MORC2: variants seen among roughly 807,000 people sequenced by gnomAD.
MORC2 encodes ATPase MORC2.
In MORC2, 30 loss-of-function variants were observed where a neutral mutation model predicts 136.0. That is an observed-to-expected ratio of 0.22 (90% confidence interval 0.17 to 0.30). The LOEUF is 0.30. Ranked by LOEUF, MORC2 falls within the 10% of genes least tolerant of loss-of-function variation. The pLI, the probability that MORC2 is intolerant of heterozygous loss-of-function variation, is 1.00. For synonymous variants in MORC2, 439 were observed against 487.0 expected (o/e 0.90, Z 1.30); for missense variants, 922 against 1,333.1 (o/e 0.69, Z 4.80).
Position 30,934,872 on chromosome 22 carries a change from G to A in MORC2, c.2102C>T (p.Pro701Leu). Residue 701 changes from proline to leucine, a missense_variant, in exon 19 of 26, where the codon CCC (proline) becomes CTC (leucine). This residue lies in a region of MORC2 where 184 missense variants were observed against 180.3 expected (regional missense o/e 1.02). Coordinates refer to ENST00000397641, the MANE Select transcript of MORC2 (RefSeq NM_001303256.3). This position sits in a 1 kb window ranked among gnomAD's most constrained non-coding sequence, Gnocchi z 4.4. The stretch of plus-strand genomic sequence containing the variant: ...AACCTCCCGAGGGCTCTTGGAGTTG[G>A]GCAGTAAAGATGGTGACAGTTGCTG... Reference protein sequence around the residue: ...LVQQLSPSLLPNSKSPREVPS... With the variant: ...LVQQLSPSLLLNSKSPREVPS... The A allele has an allele frequency of 6.2e-7, 1 of 1,614,172 alleles. No homozygotes were observed. Among genetic ancestry groups the A allele is most frequent in the Non-Finnish European group, 8.5e-7 (1 of 1,180,034 alleles).
At chr22:30,967,510 A>G (rs1454653518) in intron 1 of MORC2, 3 of 1,149,260 alleles carry the variant, frequency 2.6e-6, no homozygotes, top group Non-Finnish European at 2.2e-6. Context: ...TTGGCGATCC[A>G]ATAGAGCAGT....
rs1448561992 is a variant in MORC2 at position 30,932,280 on chromosome 22, A to C, written c.2841+79T>G. On this transcript the variant is annotated intron_variant, in intron 24 of 25. Coordinates refer to ENST00000397641, the MANE Select transcript of MORC2 (RefSeq NM_001303256.3). The surrounding 1 kb of genome is among the most constrained non-coding windows in gnomAD (Gnocchi z 4.4). ...CAACTGCAACAAGCGTAACAATCAT[A>C]ATCACAACAGTTACAACAAATGCAG... The C allele has an allele frequency of 3.3e-6, 4 of 1,224,252 alleles. No homozygotes were observed. Among genetic ancestry groups the C allele is most frequent in the Middle Eastern group, 1.9e-4 (1 of 5,132 alleles). The allele number at this position is 1,224,252 out of a possible 1,614,324, so 75.8% of individuals were successfully genotyped here. A position where few individuals can be genotyped will look rare whatever the true frequency, so the allele number is the denominator to read the frequency against.
intron 1 of MORC2, among the ~76,000 whole-genome samples, chr22:30,965,346 C>G (rs2041112397): frequency 1.3e-5 from 2 of 152,174 alleles, no homozygotes; most frequent in Admixed American, 6.5e-5. Flanking sequence ...ACTTTACACA[C>G]AGGTGGTTCA....
At chr22:30,929,955 C>A (rs940850400) in intron 24 of MORC2, 2 of 152,018 alleles carry the variant, frequency 1.3e-5, no homozygotes, top group Non-Finnish European at 2.9e-5. Flanking sequence ...CGGGTTCAAG[C>A]GATTTTCATG....
intron 3 of MORC2, among the ~76,000 whole-genome samples, chr22:30,952,670 A>G (rs1213439536): frequency 6.6e-6 from 1 of 152,234 alleles, no homozygotes; most frequent in Non-Finnish European, 1.5e-5. Flanking sequence ...TCAACTTTGT[A>G]AACAGACAGT....
Position 30,939,956 on chromosome 22 carries a change from T to C in MORC2, c.987+3A>G, listed in dbSNP as rs1365404211. On this transcript the variant is annotated splice_donor_region_variant and intron_variant, in intron 11 of 25. Transcript: ENST00000397641. ...AGAACAGCCGCCTGGGCCGGGACCT[T>C]ACCCTGGAGTCCCGCGTGAGGTCTC... 1.1e-5 allele frequency: 18 copies of C among 1,613,624 alleles called. No individual in the cohort carries two copies. The highest frequency in any genetic ancestry group is 4.4e-5 in the South Asian group (4 of 91,004).
intron 2 of MORC2, 53 bp from the exon 3 acceptor site, chr22:30,956,850 C>G: frequency 7.2e-7 from 1 of 1,379,504 alleles, no homozygotes; most frequent in Non-Finnish European, 1.0e-6. Flanking sequence ...TATCAACCAT[C>G]AAAATGCATA....
In MORC2 at chr22:30,940,030, C is replaced by T. The variant is rs1320772373; in HGVS notation, c.916G>A (p.Ala306Thr). The part of the protein sequence containing the change: ...EHVARIAEEK[A>T]REAESKARTL... ...CGAGCTTTGCTCTCTGCCTCCCGCG[C>T]CTTCTCTTCAGCTGAAACCCAGAAG... Residue 306 changes from alanine to threonine, a missense_variant, in exon 11 of 26, where the codon GCG (alanine) becomes ACG (threonine). This residue lies in a region of MORC2 where 261 missense variants were observed against 354.3 expected (regional missense o/e 0.74). Transcript: ENST00000397641. The T allele has an allele frequency of 6.2e-7, 1 of 1,613,702 alleles. No individual in the cohort carries two copies. Among genetic ancestry groups the T allele is most frequent in the Non-Finnish European group, 8.5e-7 (1 of 1,180,032 alleles).
rs1412618866 is a variant in MORC2 at position 30,932,494 on chromosome 22, G to C, written c.2748-42C>G. On this transcript the variant is annotated intron_variant, in intron 23 of 25. Transcript: ENST00000397641. This position sits in a 1 kb window ranked among gnomAD's most constrained non-coding sequence, Gnocchi z 4.4. ...CAGTAATTCAGAATGGCATGGAGCA[G>C]GCAGAGAGCTGCTGCTGGCCCTGGG... 6.2e-6 allele frequency: 10 copies of C among 1,612,606 alleles called. No individual in the cohort carries two copies. In the African/African-American group the frequency reaches 1.3e-4, roughly 22 times the overall value.
intron 4 of MORC2, 104 bp downstream of exon 4, chr22:30,950,273 A>C (rs1408934974): frequency 5.0e-6 from 6 of 1,190,710 alleles, no homozygotes; most frequent in African/African-American, 1.5e-5. Flanking sequence ...TCTTCTAGAC[A>C]TAACATTGGA....
intron 1 of MORC2, among the ~76,000 whole-genome samples, chr22:30,960,509 C>T (rs996711972): frequency 3.3e-5 from 5 of 151,630 alleles, no homozygotes; most frequent in Admixed American, 6.6e-5. Context: ...TATTTTGAGA[C>T]GGAGTTTTTC....
At chr22:30,933,148 G>C in intron 21 of MORC2, 118 bp from the exon 22 acceptor site, 4 of 1,409,918 alleles carry the variant, frequency 2.8e-6, no homozygotes, top group Non-Finnish European at 3.9e-6. Flanking sequence ...TTAGGTGCTT[G>C]CCCCCACTAC....
At chr22:30,952,229 G>A (rs1409154245) in intron 3 of MORC2, among the ~76,000 whole-genome samples, 1 of 152,158 alleles carries the variant, frequency 6.6e-6, no homozygotes, top group Non-Finnish European at 1.5e-5. Flanking sequence ...TACAGAGAAT[G>A]GTAAAAGCAG....
chr22:30,950,338 CA>C, intron 4 of MORC2, 38 bp downstream of exon 4: 12 of 695,120 alleles, frequency 1.7e-5, no homozygotes, highest in Non-Finnish European at 3.1e-5. Flanking sequence ...GGTTACATCG[CA>C]CCCCCCCACC....
At position 30,934,165 on chromosome 22, in the gene MORC2, G is replaced by A. The variant is rs1762818623; in HGVS notation, c.2220C>T (p.Val740=). Residue 740 remains valine, a synonymous_variant, in exon 20 of 26, where the codon GTC becomes GTT. Transcript: ENST00000397641. The surrounding 1 kb of genome is among the most constrained non-coding windows in gnomAD (Gnocchi z 4.4). ...CAACTTCTTCCTCATCAGAAACTGC[G>A]ACACTCCGCTTCCGACTAGGGGTAG... ...SPATPSRKRS[V]AVSDEEEVEE... 3.1e-6 allele frequency: 5 copies of A among 1,613,960 alleles called. No homozygotes were observed. The highest frequency in any genetic ancestry group is 2.2e-5 in the East Asian group (1 of 44,896).
chr22:30,936,371 G>T, intron 17 of MORC2, 140 bp downstream of exon 17: 2 of 1,112,272 alleles, frequency 1.8e-6, no homozygotes, highest in Non-Finnish European at 2.6e-6. Flanking sequence ...TGGAGGTTGG[G>T]GTTGGAAAGC....
chr22:30,946,391 T>C lies in MORC2; in HGVS notation c.376A>G (p.Thr126Ala), dbSNP rs1223721150. ...AACGTGCGAGACAGGAAGAGGCAGG[T>C]CATGGTGTCTTCCTTCTTGGTGAAC... ...ILFTKKEDTMTCLFLSRTFHE... is the reference protein window; with the variant it reads ...ILFTKKEDTMACLFLSRTFHE... The change falls in exon 6 of 26, where the codon ACC (threonine) becomes GCC (alanine). Residue 126 changes from threonine (T) to alanine (A), a missense_variant. Physicochemically the swap from Thr to Ala is moderately conservative, Grantham distance 58. Coordinates refer to ENST00000397641, the MANE Select transcript of MORC2 (RefSeq NM_001303256.3). 6.2e-7 allele frequency: 1 copy of C among 1,612,060 alleles called. No individual in the cohort carries two copies. The highest frequency in any genetic ancestry group is 1.1e-5 in the South Asian group (1 of 90,436).
intron 1 of MORC2, among the ~76,000 whole-genome samples, chr22:30,964,876 C>T (rs1456686603): frequency 6.6e-6 from 1 of 152,012 alleles, no homozygotes; most frequent in Admixed American, 6.6e-5. Flanking sequence ...AAGTTGCCAC[C>T]ACAGTGACCA....
rs1325489365 is a variant in MORC2 at position 30,937,959 on chromosome 22, C to T, written c.1225G>A (p.Gly409Arg). 1 of 1,614,076 alleles carries T rather than the reference C, an allele frequency of 6.2e-7. No individual in the cohort carries two copies. The highest frequency in any genetic ancestry group is 8.5e-7 in the Non-Finnish European group (1 of 1,180,014). ...GGCACATCAACAACCCCAACAACCCCGCCACATGCCCTACAGGGAGAAAGA... is the reference window on the plus strand; with the variant it reads ...GGCACATCAACAACCCCAACAACCCTGCCACATGCCCTACAGGGAGAAAGA... ...PQLEGGMACG[G>R]VVGVVDVPYL... Residue 409 changes from glycine (G) to arginine (R), a missense_variant, in exon 14 of 26, where the codon GGG becomes AGG. This residue lies in a region of MORC2 where 16 missense variants were observed against 75.6 expected (regional missense o/e 0.21). Coordinates refer to ENST00000397641, the MANE Select transcript of MORC2 (RefSeq NM_001303256.3). This position sits in a 1 kb window ranked among gnomAD's most constrained non-coding sequence, Gnocchi z 4.7.
Sources: allele counts gnomAD v4.1 joint callset (sites outside exome capture counted in the v4.1 genomes callset), GRCh38; gene constraint gnomAD v4.1.1; regional missense constraint gnomAD v4.1.1; non-coding constraint Gnocchi (gnomAD v3.1); transcripts MANE v1.5; gene names NCBI Gene and HGNC (gene_info 2026-07-23, HGNC 2026-07-21).